CDC123: variants seen among roughly 807,000 people sequenced by gnomAD.
The protein encoded by CDC123 is translation initiation factor eIF2 assembly protein.
CDC123 carries 37 observed loss-of-function variants against 54.4 expected under a neutral mutation model. The observed-to-expected ratio is 0.68, with a 90% CI of 0.52 to 0.89. CDC123 has a LOEUF of 0.89. CDC123 is among the 40% of genes least tolerant of loss of function. The probability of loss-of-function intolerance (pLI) is 0.00; values close to 1 mark genes in which losing one functional copy is unlikely to be tolerated. For missense variants in CDC123, 361 were observed against 412.1 expected (o/e 0.88, Z 1.07); for synonymous variants, 144 against 136.8 (o/e 1.05, Z -0.37).
intron 7 of CDC123, among the ~76,000 whole-genome samples, chr10:12,231,361 G>T (rs926507839): frequency 2.6e-5 from 4 of 152,082 alleles, no homozygotes; most frequent in Admixed American, 6.6e-5. Flanking sequence ...GGTGGCTCAC[G>T]CCTGTAATCC....
intron 3 of CDC123, 109 bp downstream of exon 3, chr10:12,210,133 A>C: frequency 6.9e-7 from 1 of 1,450,560 alleles, no homozygotes; most frequent in Non-Finnish European, 9.5e-7. Flanking sequence ...ATGAGAAATT[A>C]CGTGAGAATC....
At chr10:12,213,374 C>G (rs923723318) in intron 4 of CDC123, among the ~76,000 whole-genome samples, 5 of 152,078 alleles carry the variant, frequency 3.3e-5, no homozygotes, top group Non-Finnish European at 7.4e-5. Context: ...AGGAGACATC[C>G]AACAGACTCA....
intron 7 of CDC123, among the ~76,000 whole-genome samples, 154 bp from the exon 8 acceptor site, chr10:12,234,894 A>C (rs561371939): frequency 1.9e-4 from 29 of 152,078 alleles, no homozygotes; most frequent in Admixed American, 1.5e-3. Context: ...GCTGACAGGC[A>C]TGTGCCATCA....
intron 2 of CDC123, among the ~76,000 whole-genome samples, chr10:12,203,674 C>T (rs916582238): frequency 6.6e-6 from 1 of 152,110 alleles, no homozygotes; most frequent in Admixed American, 6.5e-5. Flanking sequence ...AGGAAACGGG[C>T]ACCAAGCTTG....
chr10:12,232,183 T>C (rs1006130516), intron 7 of CDC123, among the ~76,000 whole-genome samples: 9 of 152,078 alleles, frequency 5.9e-5, no homozygotes, highest in African/African-American at 9.7e-5. Flanking sequence ...CAACTCCGAT[T>C]CCTGGTCCTT....
intron 4 of CDC123, among the ~76,000 whole-genome samples, chr10:12,211,608 G>A (rs940182889): frequency 1.3e-5 from 2 of 152,182 alleles, no homozygotes; most frequent in Non-Finnish European, 2.9e-5. Context: ...GATTCCGTGA[G>A]ATGAACAAAG....
chr10:12,232,243 A>C (rs1202728293), intron 7 of CDC123, among the ~76,000 whole-genome samples: 1 of 152,096 alleles, frequency 6.6e-6, no homozygotes, highest in East Asian at 1.9e-4. Context: ...TTGACGGCTC[A>C]TAGTTTGTTG....
intron 1 of CDC123, among the ~76,000 whole-genome samples, chr10:12,197,401 A>C (rs1304733743): frequency 6.6e-6 from 1 of 151,360 alleles, no homozygotes; most frequent in Non-Finnish European, 1.5e-5. Context: ...TTTGAGACAG[A>C]GTTTTGTTCT....
intron 6 of CDC123, among the ~76,000 whole-genome samples, chr10:12,229,058 C>A (rs1164859170): frequency 1.3e-5 from 2 of 152,168 alleles, no homozygotes; most frequent in Non-Finnish European, 2.9e-5. Flanking sequence ...CTTGCCTCCG[C>A]CTCTACGCTT....
At chr10:12,238,394 A>G (rs1836006775) in intron 9 of CDC123, 63 bp from the exon 10 acceptor site, 6 of 1,553,708 alleles carry the variant, frequency 3.9e-6, no homozygotes. Context: ...TTTAATTTTC[A>G]AAAGGAGATT....
chr10:12,250,150 C>G, intron 12 of CDC123, 161 bp from the exon 13 acceptor site: 2 of 509,410 alleles, frequency 3.9e-6, no homozygotes, highest in South Asian at 6.8e-5. Flanking sequence ...ATAATTTGCT[C>G]AGGAGTCAAA....
At position 12,238,430 on chromosome 10, in the gene CDC123, A is replaced by G. The variant is rs190776856; in HGVS notation, c.689-27A>G. 432 of 1,596,434 alleles carry G rather than the reference A, an allele frequency of 2.7e-4. 2 individuals are homozygous for G. The highest frequency in any genetic ancestry group is 1.5e-3 in the Admixed American group (80 of 54,974). On this transcript the variant is annotated intron_variant, in intron 9 of 12. Transcript: ENST00000281141. ...TACATTGTGAAATATTAGTTCATTA[A>G]TAACTGACTTTTTTTCTCCTTTACA...
At position 12,217,431 on chromosome 10, in the gene CDC123, A is replaced by G. The variant is rs760876745; in HGVS notation, c.404A>G (p.Lys135Arg). The G allele has an allele frequency of 3.1e-6, 5 of 1,614,088 alleles. No individual in the cohort carries two copies. In the South Asian group the frequency reaches 4.4e-5, roughly 14 times the overall value. Residue 135 changes from lysine (K) to arginine (R), a missense_variant, in exon 6 of 13, where the codon AAG becomes AGG. Transcript: ENST00000281141. ...CTCAGCGACATCTTTCTGCTTTTCA[A>G]GAGTTCCGATTTCATCACTCGTGAC... ...KTLSDIFLLF[K>R]SSDFITRDFT...
At chr10:12,225,974 T>C (rs983276697) in intron 6 of CDC123, among the ~76,000 whole-genome samples, 3 of 151,878 alleles carry the variant, frequency 2.0e-5, no homozygotes, top group Non-Finnish European at 4.4e-5. Context: ...TTAAGGAGCA[T>C]GCTGCCTTCA....
chr10:12,244,050 TA>T lies in CDC123; in HGVS notation c.718-2096del, dbSNP rs549916245. On this transcript the variant is annotated intron_variant, in intron 10 of 12. Transcript: ENST00000281141. ...GCTTGTATAAAATGAGGAACTTACCTAAATGGGTTGTGCTGAAAACATCCTG... is the reference window on the plus strand; with the variant it reads ...GCTTGTATAAAATGAGGAACTTACCTAATGGGTTGTGCTGAAAACATCCTG... 2.3e-3 allele frequency among the ~76,000 whole-genome samples: 344 copies of T among 152,306 alleles called. 3 individuals carry two copies. Among genetic ancestry groups the T allele is most frequent in the African/African-American group, 7.3e-3 (302 of 41,576 alleles).
chr10:12,245,860 C>G (rs1471587596), intron 10 of CDC123: 2 of 237,630 alleles, frequency 8.4e-6, no homozygotes, highest in Non-Finnish European at 1.6e-5. Context: ...TGCTTGAACC[C>G]AAGAGTTCAA....
At chr10:12,208,731 A>G (rs1283038332) in intron 2 of CDC123, among the ~76,000 whole-genome samples, 2 of 152,128 alleles carry the variant, frequency 1.3e-5, no homozygotes, top group African/African-American at 4.8e-5. Context: ...TGTGTCCTGG[A>G]CCATGAAGAA....
At chr10:12,205,794 AC>A (rs940091188) in intron 2 of CDC123, among the ~76,000 whole-genome samples, 1 of 150,722 alleles carries the variant, frequency 6.6e-6, no homozygotes, top group Non-Finnish European at 1.5e-5. Context: ...AGTCTAATAA[AC>A]TTTCACTTTT....
Position 12,232,773 on chromosome 10 carries a change from C to G in CDC123, c.489+1777C>G, listed in dbSNP as rs186765544. 7.0e-5 allele frequency among the ~76,000 whole-genome samples: 10 copies of G among 142,736 alleles called. No homozygotes were observed. The East Asian group carries it at 1.6e-3, about 23-fold the overall frequency. 93.6% of individuals were successfully genotyped at this position (142,736 alleles called of 152,430 possible). A position where few individuals can be genotyped will look rare whatever the true frequency, so the allele number is the denominator to read the frequency against. Reference sequence around the variant, plus strand: ...TTTCTGCCAGGTATGAGAAAGAGATCATTTCCTTACCTTTCTTTTTTTTTT... The same window carrying G: ...TTTCTGCCAGGTATGAGAAAGAGATGATTTCCTTACCTTTCTTTTTTTTTT... On this transcript the variant is annotated intron_variant, in intron 7 of 12. Coordinates refer to ENST00000281141, the MANE Select transcript of CDC123 (RefSeq NM_006023.3).
Sources: allele counts gnomAD v4.1 joint callset (sites outside exome capture counted in the v4.1 genomes callset), GRCh38; gene constraint gnomAD v4.1.1; transcripts MANE v1.5; gene names NCBI Gene and HGNC (gene_info 2026-07-23, HGNC 2026-07-21).